Variants in MAST4 observed in about 807,000 individuals in gnomAD.
MAST4 encodes the protein microtubule associated serine/threonine kinase family member 4, also known as microtubule-associated serine/threonine-protein kinase 4.
MAST4 carries 89 observed loss-of-function variants against 162.7 expected under a neutral mutation model. That is an observed-to-expected ratio of 0.55 (90% CI 0.46 to 0.65). MAST4 has a LOEUF of 0.65. Among genes scored for constraint, MAST4 ranks in the 30% least tolerant of loss-of-function variants. The pLI is 0.00. For missense variants in MAST4, 3,153 were observed against 3,374.0 expected, an observed-to-expected ratio of 0.93 and a Z score of 1.62; for synonymous variants, 1,479 against 1,361.1, an observed-to-expected ratio of 1.09 and a Z score of -1.91.
At position 67,090,213 on chromosome 5, in the gene MAST4, A is replaced by G. The variant is rs2150789335; in HGVS notation, c.815A>G (p.His272Arg). Reference sequence around the variant, plus strand: ...AATTTCTCCCCCAGTGCCTCAGCCCATTTTTCATTTGCACGGAGGTAAGGA... The same window carrying G: ...AATTTCTCCCCCAGTGCCTCAGCCCGTTTTTCATTTGCACGGAGGTAAGGA... The part of the protein sequence containing the change: ...PRNFSPSASA[H>R]FSFARRTDGR... The change falls in exon 6 of 29, where the codon CAT becomes CGT. Residue 272 changes from histidine to arginine, a missense_variant. Coordinates refer to ENST00000403625, the MANE Select transcript of MAST4 (RefSeq NM_001164664.2). The G allele has an allele frequency of 6.2e-7, 1 of 1,612,420 alleles. No homozygotes were observed. The highest frequency in any genetic ancestry group is 8.5e-7 in the Non-Finnish European group (1 of 1,179,060).
At chr5:66,822,560 A>G (rs1353899287) in intron 3 of MAST4, among the ~76,000 whole-genome samples, 5 of 152,180 alleles carry the variant, frequency 3.3e-5, no homozygotes, top group Non-Finnish European at 7.3e-5. Flanking sequence ...GAGACATTTA[A>G]GAGGAAAGTA....
Position 66,788,606 on chromosome 5 carries a change from C to G in MAST4, c.518-64C>G, listed in dbSNP as rs1421334211. The G allele has an allele frequency of 4.4e-6, 6 of 1,356,278 alleles. No individual in the cohort carries two copies. In the African/African-American group the frequency reaches 4.4e-5, roughly 10 times the overall value. The allele number at this position is 1,356,278 out of a possible 1,614,324, so 84.0% of individuals were successfully genotyped here. A position where few individuals can be genotyped will look rare whatever the true frequency, so the allele number is the denominator to read the frequency against. On this transcript the variant is annotated intron_variant, in intron 2 of 28. Transcript: ENST00000403625. ...AGGAAGAGACACCCCACCCCCACCC[C>G]CATTGCAATAAGACTACTACCGGCT...
At chr5:66,917,696 A>G (rs1313094260) in intron 4 of MAST4, among the ~76,000 whole-genome samples, 2 of 151,778 alleles carry the variant, frequency 1.3e-5, no homozygotes, top group African/African-American at 4.8e-5. Context: ...TGTCACATAT[A>G]AAGATGCCAT....
At chr5:67,067,128 A>T (rs566607024) in intron 5 of MAST4, among the ~76,000 whole-genome samples, 1 of 152,340 alleles carries the variant, frequency 6.6e-6, no homozygotes, top group South Asian at 2.1e-4. Context: ...ACTATACTTT[A>T]GTGTAGAAAC....
chr5:66,606,665 T>C (rs541976311), intron 1 of MAST4, among the ~76,000 whole-genome samples: 21 of 152,336 alleles, frequency 1.4e-4, no homozygotes, highest in African/African-American at 5.1e-4. Context: ...GCCTATTTTC[T>C]ATAAATTTCT....
intron 3 of MAST4, among the ~76,000 whole-genome samples, chr5:66,823,871 G>A (rs1240652729): frequency 6.6e-6 from 1 of 152,064 alleles, no homozygotes; most frequent in African/African-American, 2.4e-5. Context: ...TTTAAATGTA[G>A]ACACTAATCT....
At chr5:67,007,359 A>G (rs577709228) in intron 4 of MAST4, among the ~76,000 whole-genome samples, 1 of 152,306 alleles carries the variant, frequency 6.6e-6, no homozygotes, top group South Asian at 2.1e-4. Context: ...CATCCTCGAT[A>G]AGGGTGTCCC....
chr5:66,740,642 G>A (rs1436927686), intron 1 of MAST4, among the ~76,000 whole-genome samples: 1 of 152,166 alleles, frequency 6.6e-6, no homozygotes, highest in Non-Finnish European at 1.5e-5. Context: ...TGGAGGTGGA[G>A]GAAGTAGAGA....
chr5:66,798,990 A>G (rs1441372843), intron 3 of MAST4, among the ~76,000 whole-genome samples: 1 of 152,196 alleles, frequency 6.6e-6, no homozygotes, highest in Non-Finnish European at 1.5e-5. Flanking sequence ...CTCTGATTTT[A>G]AAGTCATCAG....
At chr5:66,878,253 A>G (rs2149895444) in intron 3 of MAST4, among the ~76,000 whole-genome samples, 1 of 152,346 alleles carries the variant, frequency 6.6e-6, no homozygotes. Flanking sequence ...TTCAATGTCA[A>G]TTCCTGTGGG....
rs563799534 is a variant in MAST4 at position 67,085,921 on chromosome 5, C to T, written c.764-4241C>T. Among the ~76,000 whole-genome samples the T allele has an allele frequency of 3.3e-5, 5 of 152,284 alleles. No individual in the cohort carries two copies. The South Asian group carries it at 1.0e-3, about 32-fold the overall frequency. ...TTTAGAGTTCACTCAGGTTGAGGTT[C>T]CTGCATCGTGTTCCAGTGCCCACTT... On this transcript the variant is annotated intron_variant, in intron 5 of 28. Transcript: ENST00000403625.
At chr5:66,865,306 A>ATAT (rs1405079750) in intron 3 of MAST4, among the ~76,000 whole-genome samples, 11 of 152,172 alleles carry the variant, frequency 7.2e-5, no homozygotes, top group African/African-American at 2.7e-4. Flanking sequence ...TGAAACTATA[A>ATAT]AGCTTGGACC....
At chr5:67,044,207 A>C (rs539528110) in intron 4 of MAST4, among the ~76,000 whole-genome samples, 1 of 151,882 alleles carries the variant, frequency 6.6e-6, no homozygotes, top group African/African-American at 2.4e-5. Context: ...AAATGGTAAC[A>C]CTCTTTAATG....
intron 3 of MAST4, among the ~76,000 whole-genome samples, chr5:66,868,368 C>T (rs188402784): frequency 3.6e-4 from 55 of 151,840 alleles, no homozygotes; most frequent in African/African-American, 1.3e-3. Flanking sequence ...GTGCACCTTT[C>T]CACAAAGTCT....
chr5:66,954,800 C>T (rs1385372710), intron 4 of MAST4, among the ~76,000 whole-genome samples: 1 of 151,738 alleles, frequency 6.6e-6, no homozygotes, highest in Non-Finnish European at 1.5e-5. Flanking sequence ...ACTCAGGAGA[C>T]TGAGATAGGA....
intron 1 of MAST4, chr5:66,622,855 A>C (rs1744165751): frequency 6.6e-6 from 1 of 152,248 alleles, no homozygotes; most frequent in Admixed American, 6.5e-5. Context: ...CCAATAAAGC[A>C]CCAGACAGAG....
At chr5:67,126,593 A>G (rs1439038624) in intron 14 of MAST4, among the ~76,000 whole-genome samples, 2 of 152,154 alleles carry the variant, frequency 1.3e-5, no homozygotes, top group South Asian at 4.1e-4. Context: ...GTTCTGTTCT[A>G]TTGGTCTGTA....
intron 1 of MAST4, among the ~76,000 whole-genome samples, chr5:66,711,086 TC>T (rs1561279001): frequency 5.9e-5 from 9 of 152,188 alleles, no homozygotes; most frequent in Non-Finnish European, 1.2e-4. Flanking sequence ...ATAAATGTCA[TC>T]ATACGGGATG....
chr5:66,733,720 A>G (rs181005415), intron 1 of MAST4, among the ~76,000 whole-genome samples: 170 of 152,166 alleles, frequency 1.1e-3, no homozygotes, highest in Non-Finnish European at 2.1e-3. Context: ...CGGCCTCCCA[A>G]AGTGCTGGGA....
Sources: gnomAD v4.1 joint callset for allele counts (sites outside exome capture counted in the v4.1 genomes callset) on GRCh38, gnomAD v4.1.1 for gene constraint, MANE v1.5 for transcripts, NCBI Gene and HGNC (gene_info 2026-07-23, HGNC 2026-07-21) for gene names.